TSHZ2: variants seen among roughly 807,000 people sequenced by gnomAD.
TSHZ2 encodes teashirt homolog 2.
TSHZ2 carries 21 observed loss-of-function variants against 74.4 expected under a neutral mutation model. That is an observed-to-expected ratio of 0.28 (90% CI 0.20 to 0.41). The LOEUF (loss-of-function observed/expected upper bound fraction) is 0.41, where lower values mean the gene tolerates loss of function less well. TSHZ2 is among the 10% of genes least tolerant of loss of function. TSHZ2 has a pLI of 1.00. For synonymous variants in TSHZ2, 540 were observed against 515.3 expected (o/e 1.05, Z -0.65); for missense variants, 1,244 against 1,293.5 (o/e 0.96, Z 0.59).
At chr20:53,289,649 G>A (rs975888963) in intron 2 of TSHZ2, among the ~76,000 whole-genome samples, 1 of 152,118 alleles carries the variant, frequency 6.6e-6, no homozygotes, top group Non-Finnish European at 1.5e-5. Context: ...TTTGGAGGAA[G>A]GCTATTTTAG....
Position 53,091,946 on chromosome 20 carries a change from T to C in TSHZ2, c.40+118613T>C, listed in dbSNP as rs1434594458. On this transcript the variant is annotated intron_variant, in intron 1 of 2. Coordinates refer to ENST00000371497, the MANE Select transcript of TSHZ2 (RefSeq NM_173485.6). ...CTGTTGTACCAGCTACTAGAGAGGC[T>C]GACAAGGGTGGATTGCTGGAGCCCA... Among the ~76,000 whole-genome samples the C allele has an allele frequency of 2.0e-5, 3 of 152,280 alleles. No homozygotes were observed. In the East Asian group the frequency reaches 5.8e-4, roughly 29 times the overall value.
intron 1 of TSHZ2, among the ~76,000 whole-genome samples, chr20:53,099,011 T>A (rs1986138881): frequency 6.6e-6 from 1 of 152,194 alleles, no homozygotes; most frequent in South Asian, 2.1e-4. Flanking sequence ...AGTCTTTGCC[T>A]AGGTGCTTGG....
chr20:53,425,135 C>T (rs185190164), intron 2 of TSHZ2, among the ~76,000 whole-genome samples: 193 of 152,168 alleles, frequency 1.3e-3, no homozygotes, highest in Admixed American at 5.9e-3. Flanking sequence ...TTTGAGGAAC[C>T]ACCACACTAT....
At chr20:53,277,968 G>T (rs1990979452) in intron 2 of TSHZ2, among the ~76,000 whole-genome samples, 4 of 151,856 alleles carry the variant, frequency 2.6e-5, no homozygotes, top group Admixed American at 2.0e-4. Context: ...GCCACCTTCA[G>T]GTCTTCTCAT....
intron 2 of TSHZ2, among the ~76,000 whole-genome samples, chr20:53,340,670 G>A (rs1372226958): frequency 6.6e-6 from 1 of 152,200 alleles, no homozygotes; most frequent in Non-Finnish European, 1.5e-5. Flanking sequence ...GTTTCACTTA[G>A]ATTCTGTCTC....
intron 1 of TSHZ2, among the ~76,000 whole-genome samples, chr20:52,997,900 A>C (rs563538362): frequency 9.9e-5 from 15 of 152,238 alleles, no homozygotes; most frequent in African/African-American, 2.6e-4. Flanking sequence ...ACATCTTCCT[A>C]CTCAAAGTAT....
intron 1 of TSHZ2, among the ~76,000 whole-genome samples, chr20:52,998,188 G>A (rs900484637): frequency 1.3e-5 from 2 of 151,732 alleles, no homozygotes; most frequent in Admixed American, 6.6e-5. Context: ...TTTTTTGGGG[G>A]GACAGAGTCT....
chr20:53,395,045 C>T (rs1217418828), intron 2 of TSHZ2, among the ~76,000 whole-genome samples: 2 of 151,952 alleles, frequency 1.3e-5, no homozygotes, highest in Non-Finnish European at 2.9e-5. Flanking sequence ...CTTCAGCATG[C>T]GGGGAAGGTA....
chr20:53,387,676 C>T (rs578255816), intron 2 of TSHZ2, among the ~76,000 whole-genome samples: 1 of 152,288 alleles, frequency 6.6e-6, no homozygotes, highest in East Asian at 1.9e-4. Flanking sequence ...TGAAGTGAAA[C>T]TGCATTGTTG....
At chr20:53,257,267 C>A (rs1033941227) in intron 2 of TSHZ2, among the ~76,000 whole-genome samples, 6 of 152,162 alleles carry the variant, frequency 3.9e-5, no homozygotes, top group African/African-American at 1.4e-4. Flanking sequence ...TTTCTTCTTT[C>A]ATCTTTTGGT....
rs558106527 is a variant in TSHZ2 at position 53,304,654 on chromosome 20, A to G, written c.*8+48083A>G. 1.1e-4 allele frequency among the ~76,000 whole-genome samples: 16 copies of G among 144,408 alleles called. No individual in the cohort carries two copies. The East Asian group carries it at 2.9e-3, about 26-fold the overall frequency. 94.7% of individuals were successfully genotyped at this position (144,408 alleles called of 152,430 possible). The stretch of plus-strand genomic sequence containing the variant: ...TTGTTTGTTTGTTTGTTTGTTTGAG[A>G]CACAGTCTAGCTCTGTTGCCAGGCT... On this transcript the variant is annotated intron_variant, in intron 2 of 2. Transcript: ENST00000371497.
At position 53,256,280 on chromosome 20, in the gene TSHZ2, A is replaced by T. The variant is rs1346637728; in HGVS notation, c.2822A>T (p.Tyr941Phe). The T allele has an allele frequency of 6.2e-7, 1 of 1,614,168 alleles. No homozygotes were observed. The highest frequency in any genetic ancestry group is 1.1e-5 in the South Asian group (1 of 91,078). The change falls in exon 2 of 3, where the codon TAC (tyrosine) becomes TTC (phenylalanine). Residue 941 changes from tyrosine (Y) to phenylalanine (F), a missense_variant. Around this residue, in one of 6 missense-constraint regions of TSHZ2, gnomAD observed 185 missense variants for 213.3 expected, o/e 0.87. Coordinates refer to ENST00000371497, the MANE Select transcript of TSHZ2 (RefSeq NM_173485.6). The surrounding 1 kb of genome is among the most constrained non-coding windows in gnomAD (Gnocchi z 4.3). ...TCCCAGTTCAGAACCCCTTCTACCT[A>T]CATCAGTCACTTAGAATCTCACCTG... ...CASQFRTPST[Y>F]ISHLESHLGF...
intron 2 of TSHZ2, among the ~76,000 whole-genome samples, chr20:53,284,834 G>A (rs1016664755): frequency 7.9e-5 from 12 of 151,756 alleles, no homozygotes; most frequent in African/African-American, 2.9e-4. Context: ...ATTAATGTCA[G>A]CAACTCAGAA....
intron 1 of TSHZ2, among the ~76,000 whole-genome samples, chr20:53,245,556 C>G (rs1005716155): frequency 2.0e-5 from 3 of 152,214 alleles, no homozygotes; most frequent in African/African-American, 7.2e-5. Flanking sequence ...TATCTCTCTA[C>G]TAATTAACTG....
rs576862348 is a variant in TSHZ2, at chr20:53,052,155, C to G, written c.40+78822C>G. Among the ~76,000 whole-genome samples the G allele has an allele frequency of 5.2e-4, 79 of 152,310 alleles. 1 individual carries two copies. In the South Asian group the frequency reaches 0.014, roughly 28 times the overall value. ...CCCCATTCTCTCCTACTCCCCAGAT[C>G]CTGGCAACCACTATTTTATTTCCTG... On this transcript the variant is annotated intron_variant, in intron 1 of 2. Coordinates refer to ENST00000371497, the MANE Select transcript of TSHZ2 (RefSeq NM_173485.6).
chr20:53,105,852 G>A (rs1047660614), intron 1 of TSHZ2, among the ~76,000 whole-genome samples: 7 of 151,950 alleles, frequency 4.6e-5, no homozygotes, highest in Admixed American at 4.6e-4. Context: ...TTGCCATGTT[G>A]CACGGGCTGG....
At chr20:53,043,460 A>ATG (rs2123105157) in intron 1 of TSHZ2, among the ~76,000 whole-genome samples, 1 of 152,224 alleles carries the variant, frequency 6.6e-6, no homozygotes, top group African/African-American at 2.4e-5. Flanking sequence ...CCTGCCCAAA[A>ATG]TGCCAATAGC....
At chr20:53,134,012 G>GA (rs1987179275) in intron 1 of TSHZ2, among the ~76,000 whole-genome samples, 1 of 147,440 alleles carries the variant, frequency 6.8e-6, no homozygotes. Context: ...GCAAGACCTT[G>GA]ATACTATCTG....
In TSHZ2 at chr20:52,972,734, G is replaced by A; in HGVS notation, c.-560G>A. 6.2e-6 allele frequency: 1 copy of A among 162,138 alleles called. No individual in the cohort carries two copies. Among genetic ancestry groups the A allele is most frequent in the Non-Finnish European group, 1.3e-5 (1 of 76,414 alleles). 10.0% of individuals were successfully genotyped at this position (162,138 alleles called of 1,614,324 possible). A position where few individuals can be genotyped will look rare whatever the true frequency, so the allele number is the denominator to read the frequency against. ...AGGAGGAGGAAGAAAAGAAGGAGGA[G>A]GTGGAGGAGGAGGTGGAGGAGGAGG... is the stretch of plus-strand genomic sequence containing the variant. On this transcript the variant is annotated 5_prime_UTR_variant, in exon 1 of 3. Transcript: ENST00000371497.
Sources: gnomAD v4.1 joint callset for allele counts (sites outside exome capture counted in the v4.1 genomes callset) on GRCh38, gnomAD v4.1.1 for gene constraint, gnomAD v4.1.1 regional missense constraint, Gnocchi (gnomAD v3.1) non-coding constraint, MANE v1.5 for transcripts, NCBI Gene and HGNC (gene_info 2026-07-23, HGNC 2026-07-21) for gene names.